The following CPSF2 variants were observed in gnomAD, a reference collection of about 807,000 sequenced individuals.
CPSF2 encodes the protein cleavage and polyadenylation specific factor 2.
In CPSF2, 51 loss-of-function variants were observed where a neutral mutation model predicts 84.2. The ratio of observed to expected loss-of-function variants is 0.61; its 90% CI spans 0.48 to 0.77. The LOEUF (loss-of-function observed/expected upper bound fraction) is 0.77. Ranked by LOEUF, CPSF2 falls within the 30% of genes least tolerant of loss-of-function variation. The pLI is 0.00. For synonymous variants in CPSF2, 286 were observed against 311.9 expected (o/e 0.92, Z 0.87); for missense variants, 641 against 929.4 (o/e 0.69, Z 4.03).
At position 92,155,125 on chromosome 14, in the gene CPSF2, C is replaced by G; in HGVS notation, c.1244C>G (p.Ala415Gly). The G allele has an allele frequency of 1.9e-6, 3 of 1,608,062 alleles. No individual in the cohort carries two copies. The highest frequency in any genetic ancestry group is 2.6e-6 in the Non-Finnish European group (3 of 1,174,684). Residue 415 changes from alanine (A) to glycine (G), a missense_variant and splice_region_variant, in exon 11 of 16, where the codon GCA becomes GGA. Physicochemically the swap from Ala to Gly is moderately conservative, Grantham distance 60. Coordinates refer to ENST00000298875, the MANE Select transcript of CPSF2 (RefSeq NM_017437.3). ...AAKKLEQSKE[A>G]DIDSSDESDI... is the part of the protein sequence containing the mutation. ...GATCTATTCTAAAATCCTCCTAGGG[C>G]AGATATAGATTCCAGTGATGAGAGT...
chr14:92,159,700 T>A (rs1334074985), intron 14 of CPSF2, among the ~76,000 whole-genome samples: 1 of 152,152 alleles, frequency 6.6e-6, no homozygotes, highest in Non-Finnish European at 1.5e-5. Context: ...ATAAAATATG[T>A]CTCACATTTG....
At chr14:92,150,677 G>A (rs563413726) in intron 9 of CPSF2, among the ~76,000 whole-genome samples, 5 of 151,986 alleles carry the variant, frequency 3.3e-5, no homozygotes, top group Admixed American at 6.6e-5. Flanking sequence ...TCTCACCTCC[G>A]ACTCCCAAAG....
intron 2 of CPSF2, among the ~76,000 whole-genome samples, chr14:92,127,410 A>G (rs568920579): frequency 6.6e-6 from 1 of 152,230 alleles, no homozygotes. Context: ...TTATGAAAGT[A>G]TATCACTGGA....
In CPSF2 at chr14:92,163,960, C is replaced by A. The variant is rs1234255509; in HGVS notation, c.*2216C>A. 2.6e-5 allele frequency: 4 copies of A among 152,432 alleles called. No individual in the cohort carries two copies. 9.4% of individuals were successfully genotyped at this position (152,432 alleles called of 1,614,324 possible). A position where few individuals can be genotyped will look rare whatever the true frequency, so the allele number is the denominator to read the frequency against. On this transcript the variant is annotated 3_prime_UTR_variant, in exon 16 of 16. Transcript: ENST00000298875. The stretch of plus-strand genomic sequence containing the variant: ...GGTTAGGCTGGCCTCAAACTCCCGA[C>A]CTCAGGTGATCCGCCCGCCTGGGCC...
intron 2 of CPSF2, among the ~76,000 whole-genome samples, chr14:92,126,679 C>T (rs537965205): frequency 4.2e-4 from 63 of 151,778 alleles, no homozygotes; most frequent in African/African-American, 1.4e-3. Context: ...GGTGCGTGCC[C>T]GTAGTCCCAG....
At chr14:92,139,131 A>C (rs1179863472) in intron 7 of CPSF2, among the ~76,000 whole-genome samples, 1 of 152,104 alleles carries the variant, frequency 6.6e-6, no homozygotes, top group African/African-American at 2.4e-5. Flanking sequence ...CTAAAAGAAA[A>C]ATGAGGCCAG....
intron 8 of CPSF2, 98 bp from the exon 9 acceptor site, chr14:92,142,906 G>T: frequency 9.6e-7 from 1 of 1,042,516 alleles, no homozygotes. Flanking sequence ...GCAACCAGTG[G>T]GGGTAAAAGA....
Position 92,171,114 on chromosome 14 carries a change from A to C in CPSF2, c.*9370A>C, listed in dbSNP as rs1221687531. 2 of 152,072 alleles carry C rather than the reference A, an allele frequency of 1.3e-5. No individual in the cohort carries two copies. Among genetic ancestry groups the C allele is most frequent in the Non-Finnish European group, 2.9e-5 (2 of 68,024 alleles). The allele number at this position is 152,072 out of a possible 1,614,324, so 9.4% of individuals were successfully genotyped here. A position where few individuals can be genotyped will look rare whatever the true frequency, so the allele number is the denominator to read the frequency against. On this transcript the variant is annotated 3_prime_UTR_variant, in exon 16 of 16. Transcript: ENST00000298875. ...CCTTGTCTGGATCAGTTATTGCCAA[A>C]TGGTAGTTTTCTTTTCTTTTCTTTT...
chr14:92,137,150 CAA>C (rs1341730527), intron 6 of CPSF2, among the ~76,000 whole-genome samples: 3 of 151,854 alleles, frequency 2.0e-5, no homozygotes, highest in African/African-American at 7.3e-5. Flanking sequence ...GTTATAAAGT[CAA>C]AAGAGAAAAT....
intron 1 of CPSF2, among the ~76,000 whole-genome samples, chr14:92,123,746 G>A (rs1462530524): frequency 6.6e-6 from 1 of 152,192 alleles, no homozygotes; most frequent in Non-Finnish European, 1.5e-5. Context: ...AGATATTTGC[G>A]ATGAAGTAGT....
In CPSF2 at chr14:92,143,146, C is replaced by T; in HGVS notation, c.992C>T (p.Pro331Leu). The T allele has an allele frequency of 6.2e-7, 1 of 1,614,082 alleles. No homozygotes were observed. The highest frequency in any genetic ancestry group is 1.1e-5 in the South Asian group (1 of 91,084). The change falls in exon 9 of 16, where the codon CCT becomes CTT. Residue 331 changes from proline (P) to leucine (L), a missense_variant. Coordinates refer to ENST00000298875, the MANE Select transcript of CPSF2 (RefSeq NM_017437.3). ...PSPKVVLASQ[P>L]DLECGFSRDL... ...CCTAAAGTTGTACTTGCCAGCCAAC[C>T]TGACCTGGAATGCGGATTTTCAAGG...
chr14:92,135,568 A>G, intron 6 of CPSF2, 72 bp downstream of exon 6: 1 of 1,473,904 alleles, frequency 6.8e-7, no homozygotes, highest in South Asian at 1.4e-5. Flanking sequence ...AAAAATAAGA[A>G]ACACAGTTTT....
intron 9 of CPSF2, among the ~76,000 whole-genome samples, chr14:92,150,284 T>C (rs554216485): frequency 6.6e-6 from 1 of 152,054 alleles, no homozygotes; most frequent in East Asian, 1.9e-4. Flanking sequence ...CCAGCTAATT[T>C]TTTTTTTTCA....
chr14:92,144,839 ACT>A (rs1269727597), intron 9 of CPSF2, among the ~76,000 whole-genome samples: 2 of 152,108 alleles, frequency 1.3e-5, no homozygotes, highest in African/African-American at 4.8e-5. Context: ...CCTACAGCTC[ACT>A]CTCAGCCTTC....
At position 92,171,958 on chromosome 14, in the gene CPSF2, C is replaced by G. The variant is rs547785978; in HGVS notation, c.*10214C>G. On this transcript the variant is annotated 3_prime_UTR_variant, in exon 16 of 16. Transcript: ENST00000298875. ...TTTGCTCCATCTCTGCCCCTCACCC[C>G]CTACCGTACATCACTGCTGTGAGGA... is the stretch of plus-strand genomic sequence containing the variant. 10 of 152,582 alleles carry G rather than the reference C, an allele frequency of 6.6e-5. 1 individual carries two copies. In the South Asian group the frequency reaches 8.3e-4, roughly 13 times the overall value. 9.5% of individuals were successfully genotyped at this position (152,582 alleles called of 1,614,324 possible).
intron 9 of CPSF2, among the ~76,000 whole-genome samples, chr14:92,147,043 C>T (rs539511953): frequency 5.9e-5 from 9 of 152,270 alleles, no homozygotes; most frequent in African/African-American, 1.9e-4. Context: ...TCCTAGCACT[C>T]ATCACCATCT....
chr14:92,123,710 TATTATTAAGAGG>T (rs1452178225), intron 1 of CPSF2, among the ~76,000 whole-genome samples: 1 of 152,188 alleles, frequency 6.6e-6, no homozygotes, highest in Non-Finnish European at 1.5e-5. Context: ...CATGCACGAT[TATTATTAAGAGG>T]GCAAGTAACT....
chr14:92,158,043 A>G, intron 13 of CPSF2, among the ~76,000 whole-genome samples, 159 bp downstream of exon 13: 1 of 152,210 alleles, frequency 6.6e-6, no homozygotes. Context: ...AGGAAATACC[A>G]TTTATCATGT....
intron 11 of CPSF2, among the ~76,000 whole-genome samples, chr14:92,155,734 G>A (rs912439961): frequency 6.7e-6 from 1 of 149,476 alleles, no homozygotes. Flanking sequence ...TTTGAGACCA[G>A]CCCAGGCAAT....
Sources: gnomAD v4.1 joint callset for allele counts (sites outside exome capture counted in the v4.1 genomes callset) on GRCh38, gnomAD v4.1.1 for gene constraint, MANE v1.5 for transcripts, NCBI Gene and HGNC (gene_info 2026-07-23, HGNC 2026-07-21) for gene names.